Variants in NUDT1 observed in about 807,000 individuals in gnomAD.
NUDT1 encodes the protein nudix hydrolase 1.
A neutral mutation model predicts 11.3 loss-of-function variants in NUDT1; 16 were observed. That is an observed-to-expected ratio of 1.41 (90% CI 0.96 to 2.15). The LOEUF (loss-of-function observed/expected upper bound fraction) is 2.15, where lower values mean the gene tolerates loss of function less well. Among genes scored for constraint, NUDT1 ranks in the 30% most tolerant of loss-of-function variants. NUDT1 has a pLI of 0.00. For synonymous variants in NUDT1, 101 were observed against 84.4 expected (o/e 1.20, Z -1.08); for missense variants, 234 against 208.4 (o/e 1.12, Z -0.76).
rs1331630864 is a variant in NUDT1 at position 2,249,859 on chromosome 7, AGCT to A, written c.158_160del (p.Leu53del). The stretch of plus-strand genomic sequence containing the variant: ...CCCCTGCCCACCTCTGCCCGCAGGG[AGCT>A]GCAGGAGGAGAGCGGTCTGACAGTG... On this transcript the variant is annotated inframe_deletion, in exon 3 of 4. Transcript: ENST00000356714. The A allele has an allele frequency of 6.2e-7, 1 of 1,613,384 alleles. No homozygotes were observed. The highest frequency in any genetic ancestry group is 1.7e-5 in the Admixed American group (1 of 60,034).
At chr7:2,246,728 G>C (rs1042311816) in intron 2 of NUDT1, among the ~76,000 whole-genome samples, 1 of 152,182 alleles carries the variant, frequency 6.6e-6, no homozygotes, top group African/African-American at 2.4e-5. Flanking sequence ...CTTGCTGTCA[G>C]ACCAGGGTTT....
chr7:2,244,858 G>T (rs1043664755), intron 2 of NUDT1, 132 bp downstream of exon 2: 2 of 1,049,306 alleles, frequency 1.9e-6, no homozygotes, highest in South Asian at 3.2e-5. Context: ...GTGAGCCTCA[G>T]TGTCTTCATC....
intron 3 of NUDT1, among the ~76,000 whole-genome samples, 191 bp downstream of exon 3, chr7:2,250,193 C>T (rs1794933490): frequency 6.6e-6 from 1 of 152,222 alleles, no homozygotes; most frequent in Admixed American, 6.5e-5. Context: ...GCGTACCTGC[C>T]CCTGCTCTGC....
chr7:2,244,838 G>A (rs1473179347), intron 2 of NUDT1, 112 bp downstream of exon 2: 9 of 1,308,276 alleles, frequency 6.9e-6, no homozygotes, highest in African/African-American at 1.5e-5. Flanking sequence ...CCTGGAGCAG[G>A]GGGTTAAGCG....
intron 2 of NUDT1, 147 bp from the exon 3 acceptor site, chr7:2,249,710 C>G: frequency 1.1e-6 from 1 of 911,142 alleles, no homozygotes; most frequent in East Asian, 2.7e-5. Flanking sequence ...CCAGATAATG[C>G]ATTCTAGGGG....
intron 2 of NUDT1, chr7:2,247,999 T>G (rs1391321542): frequency 6.6e-6 from 1 of 152,238 alleles, no homozygotes; most frequent in African/African-American, 2.4e-5. Flanking sequence ...GAATAAATGC[T>G]GATTCCAGGT....
chr7:2,246,198 G>A (rs957992907), intron 2 of NUDT1, among the ~76,000 whole-genome samples: 2 of 152,216 alleles, frequency 1.3e-5, no homozygotes, highest in African/African-American at 4.8e-5. Flanking sequence ...TTTCTGTAGC[G>A]CTGCTCTGTG....
intron 1 of NUDT1, among the ~76,000 whole-genome samples, chr7:2,244,122 A>C (rs1794670320): frequency 6.6e-6 from 1 of 152,206 alleles, no homozygotes; most frequent in African/African-American, 2.4e-5. Context: ...CTGTTAATCC[A>C]AAGGCCTGAC....
chr7:2,248,291 A>C (rs1794847595), intron 2 of NUDT1: 1 of 152,232 alleles, frequency 6.6e-6, no homozygotes, highest in Admixed American at 6.5e-5. Context: ...CCCAGCACAG[A>C]GTGGGTGTTC....
Position 2,247,077 on chromosome 7 carries a change from C to T in NUDT1, c.152+2351C>T, listed in dbSNP as rs10273505. On this transcript the variant is annotated intron_variant, in intron 2 of 3. Transcript: ENST00000356714. ...GCCTCGCCCTCAGGGGATGACGTAC[C>T]ATCAGCCACAGGCCACCAGCACGGC... is the stretch of plus-strand genomic sequence containing the variant. Among the ~76,000 whole-genome samples, 493 of 152,298 alleles carry T rather than the reference C, an allele frequency of 3.2e-3. 3 individuals carry two copies. The highest frequency in any genetic ancestry group is 0.011 in the African/African-American group (467 of 41,574).
chr7:2,242,381 G>A, intron 1 of NUDT1, 125 bp downstream of exon 1: 1 of 525,998 alleles, frequency 1.9e-6, no homozygotes, highest in Non-Finnish European at 3.3e-6. Flanking sequence ...CCGGGAGCTC[G>A]AAGGAGACCA....
At position 2,244,656 on chromosome 7, in the gene NUDT1, G is replaced by A. The variant is rs202008006; in HGVS notation, c.82G>A (p.Gly28Arg). 86 of 1,613,728 alleles carry A rather than the reference G, an allele frequency of 5.3e-5. No individual in the cohort carries two copies. Among genetic ancestry groups the A allele is most frequent in the East Asian group, 4.5e-4 (20 of 44,890 alleles). ...VLLGMKKRGF[G>R]AGRWNGFGGK... ...CCTGGGCATGAAAAAGCGAGGCTTC[G>A]GGGCCGGCCGGTGGAATGGCTTTGG... The change falls in exon 2 of 4, where the codon GGG becomes AGG. Residue 28 changes from glycine to arginine, a missense_variant. Coordinates refer to ENST00000356714, the MANE Select transcript of NUDT1 (RefSeq NM_002452.4).
In NUDT1 at chr7:2,242,824, T is replaced by A. The variant is rs965128250; in HGVS notation, c.-13+568T>A. 4 of 653,878 alleles carry A rather than the reference T, an allele frequency of 6.1e-6. No individual in the cohort carries two copies. In the African/African-American group the frequency reaches 7.1e-5, roughly 12 times the overall value. The allele number at this position is 653,878 out of a possible 1,614,324, so 40.5% of individuals were successfully genotyped here. On this transcript the variant is annotated intron_variant, in intron 1 of 3. Transcript: ENST00000356714. ...TCCTGAAGCCCCAGCAGGCATGTGT[T>A]AGAGGGTGCTCTTTCAGTTTAGCCT...
At chr7:2,244,460 G>GC (rs1211384674) in intron 1 of NUDT1, 103 bp from the exon 2 acceptor site, 1 of 379,130 alleles carries the variant, frequency 2.6e-6, no homozygotes, top group Non-Finnish European at 4.8e-6. Context: ...ATACCCCCCC[G>GC]CCCCCCACTG....
At position 2,244,736 on chromosome 7, in the gene NUDT1, G is replaced by T. The variant is rs1485105397; in HGVS notation, c.152+10G>T. ...AGGATGGGGCTAGGAGGTAAGGATG[G>T]GGCAGGTCTGGCCATAGAACCGGCT... On this transcript the variant is annotated intron_variant, in intron 2 of 3. Transcript: ENST00000356714. 6.2e-7 allele frequency: 1 copy of T among 1,602,786 alleles called. No homozygotes were observed. The highest frequency in any genetic ancestry group is 1.7e-5 in the Admixed American group (1 of 57,368).
intron 3 of NUDT1, among the ~76,000 whole-genome samples, chr7:2,250,380 C>T (rs1436356911): frequency 1.3e-5 from 2 of 152,164 alleles, no homozygotes; most frequent in African/African-American, 4.8e-5. Flanking sequence ...GCAGGAGGAT[C>T]GTTGAGCCCA....
chr7:2,245,858 A>G (rs1014714337), intron 2 of NUDT1, among the ~76,000 whole-genome samples: 19 of 150,888 alleles, frequency 1.3e-4, no homozygotes, highest in Admixed American at 1.3e-4. Context: ...TTCAATTGCA[A>G]TCCACTAAGC....
chr7:2,244,651 G>A lies in NUDT1; in HGVS notation c.77G>A (p.Gly26Asp), dbSNP rs1040024304. 1.9e-6 allele frequency: 3 copies of A among 1,614,010 alleles called. No individual in the cohort carries two copies. The highest frequency in any genetic ancestry group is 2.7e-5 in the African/African-American group (2 of 75,040). Residue 26 changes from glycine to aspartate, a missense_variant, in exon 2 of 4, where the codon GGC (glycine) becomes GAC (aspartate). Transcript: ENST00000356714. ...QRVLLGMKKR[G>D]FGAGRWNGFG... ...GTTCTCCTGGGCATGAAAAAGCGAG[G>A]CTTCGGGGCCGGCCGGTGGAATGGC...
chr7:2,242,868 G>C, intron 1 of NUDT1: 1 of 693,052 alleles, frequency 1.4e-6, no homozygotes, highest in Non-Finnish European at 2.6e-6. Context: ...GCTTGTGTTA[G>C]TCAGCTGTTA....
Sources: allele counts gnomAD v4.1 joint callset (sites outside exome capture counted in the v4.1 genomes callset), GRCh38; gene constraint gnomAD v4.1.1; transcripts MANE v1.5; gene names NCBI Gene and HGNC (gene_info 2026-07-23, HGNC 2026-07-21).